The following GALNTL6 variants were observed in gnomAD, a reference collection of about 807,000 sequenced individuals.
The protein encoded by GALNTL6 is polypeptide N-acetylgalactosaminyltransferase like 6, also known as polypeptide N-acetylgalactosaminyltransferase-like 6.
In GALNTL6, 46 loss-of-function variants were observed where a neutral mutation model predicts 73.7. The ratio of observed to expected loss-of-function variants is 0.62; its 90% confidence interval spans 0.49 to 0.80. GALNTL6 has a LOEUF of 0.80. Ranked by LOEUF, GALNTL6 falls within the 30% of genes least tolerant of loss-of-function variation. GALNTL6 has a pLI of 0.00. For synonymous variants in GALNTL6, 259 were observed against 263.7 expected (o/e 0.98, Z 0.17); for missense variants, 604 against 755.0 (o/e 0.80, Z 2.34).
chr4:172,800,504 G>T (rs1034892804), intron 5 of GALNTL6, among the ~76,000 whole-genome samples: 18 of 151,950 alleles, frequency 1.2e-4, no homozygotes, highest in Admixed American at 3.9e-4. Flanking sequence ...ATATTTTTAG[G>T]GTCAAATAGT....
intron 5 of GALNTL6, among the ~76,000 whole-genome samples, chr4:172,396,839 C>T (rs990736561): frequency 2.8e-4 from 42 of 152,136 alleles, no homozygotes; most frequent in African/African-American, 8.9e-4. Flanking sequence ...TTATTGAATG[C>T]AATAGTTAAA....
At position 172,787,695 on chromosome 4, in the gene GALNTL6, AG is replaced by A. The variant is rs374153853; in HGVS notation, c.554-21663del. On this transcript the variant is annotated intron_variant, in intron 5 of 12. Coordinates refer to ENST00000506823, the MANE Select transcript of GALNTL6 (RefSeq NM_001034845.3). ...GGATCACTGAGGAGGAGACCATGGG[AG>A]GGTCTCTGGGGAACAACAGCATTTA... Among the ~76,000 whole-genome samples, 157 of 152,276 alleles carry A rather than the reference AG, an allele frequency of 1.0e-3. 2 individuals are homozygous for A. The East Asian group carries it at 0.03, about 29-fold the overall frequency.
At chr4:172,798,177 G>T (rs1260160232) in intron 5 of GALNTL6, among the ~76,000 whole-genome samples, 2 of 152,132 alleles carry the variant, frequency 1.3e-5, no homozygotes, top group African/African-American at 4.8e-5. Flanking sequence ...ACAAGTAACA[G>T]AAAATGATTA....
chr4:172,103,064 T>C lies in GALNTL6; in HGVS notation c.139-126592T>C, dbSNP rs184750229. 1.6e-4 allele frequency among the ~76,000 whole-genome samples: 24 copies of C among 152,254 alleles called. No individual in the cohort carries two copies. The East Asian group carries it at 3.7e-3, about 23-fold the overall frequency. On this transcript the variant is annotated intron_variant, in intron 2 of 12. Coordinates refer to ENST00000506823, the MANE Select transcript of GALNTL6 (RefSeq NM_001034845.3). The stretch of plus-strand genomic sequence containing the variant: ...GGTTCATGGGCTAGGAAAACAAATA[T>C]ACATAAAAGTATGGTTGGCCAGGGG...
At chr4:173,008,423 G>A (rs1003838087) in intron 10 of GALNTL6, among the ~76,000 whole-genome samples, 2 of 152,234 alleles carry the variant, frequency 1.3e-5, no homozygotes, top group East Asian at 3.8e-4. Flanking sequence ...GCTGCAGTTT[G>A]GCTGTTTAAC....
At chr4:171,949,406 C>T (rs1021545857) in intron 2 of GALNTL6, among the ~76,000 whole-genome samples, 6 of 152,144 alleles carry the variant, frequency 3.9e-5, no homozygotes, top group African/African-American at 1.4e-4. Flanking sequence ...GAAATAAATA[C>T]AAATCCTCTC....
At chr4:172,052,574 A>C (rs1455494718) in intron 2 of GALNTL6, 2 of 1,372,860 alleles carry the variant, frequency 1.5e-6, no homozygotes, top group Admixed American at 4.3e-5. Context: ...GACCAAGACA[A>C]GATAGGGTGG....
chr4:171,992,702 C>G (rs566134475), intron 2 of GALNTL6, among the ~76,000 whole-genome samples: 66 of 152,058 alleles, frequency 4.3e-4, no homozygotes, highest in African/African-American at 1.6e-3. Flanking sequence ...GAGAGTATAT[C>G]TCTTATTCTA....
chr4:172,902,970 A>G (rs978569218), intron 8 of GALNTL6, among the ~76,000 whole-genome samples: 2 of 152,192 alleles, frequency 1.3e-5, no homozygotes, highest in Non-Finnish European at 2.9e-5. Flanking sequence ...ACAATTCCTC[A>G]TCGTCACTAT....
At chr4:172,836,025 C>T (rs1048555339) in intron 7 of GALNTL6, among the ~76,000 whole-genome samples, 9 of 152,132 alleles carry the variant, frequency 5.9e-5, no homozygotes, top group Non-Finnish European at 1.3e-4. Context: ...GCCACTGTTT[C>T]CTCAGGGGTA....
At chr4:172,653,749 A>C (rs1740607888) in intron 5 of GALNTL6, among the ~76,000 whole-genome samples, 1 of 152,236 alleles carries the variant, frequency 6.6e-6, no homozygotes, top group Non-Finnish European at 1.5e-5. Context: ...CATGATCTGG[A>C]ATAGAATCTG....
intron 2 of GALNTL6, among the ~76,000 whole-genome samples, chr4:172,173,391 G>T (rs529450878): frequency 6.6e-6 from 1 of 152,314 alleles, no homozygotes; most frequent in Admixed American, 6.5e-5. Context: ...GAATTTGCAT[G>T]AGGCTGTGGA....
At chr4:172,694,707 A>G (rs878919389) in intron 5 of GALNTL6, among the ~76,000 whole-genome samples, 1 of 152,190 alleles carries the variant, frequency 6.6e-6, no homozygotes, top group African/African-American at 2.4e-5. Context: ...ATTTCCTCAT[A>G]GCTGAGATCT....
chr4:172,062,766 G>A (rs1731249035), intron 2 of GALNTL6, among the ~76,000 whole-genome samples: 1 of 152,214 alleles, frequency 6.6e-6, no homozygotes, highest in South Asian at 2.1e-4. Flanking sequence ...ATGTTGTACA[G>A]AGAGGGGAAA....
At chr4:172,360,316 T>C (rs1023488697) in intron 5 of GALNTL6, among the ~76,000 whole-genome samples, 2 of 11,768 alleles carry the variant, frequency 1.7e-4, no homozygotes, top group African/African-American at 1.9e-4. Flanking sequence ...ATGAGAATGC[T>C]TTATCATCAC....
intron 2 of GALNTL6, among the ~76,000 whole-genome samples, chr4:171,982,111 A>G (rs916706842): frequency 6.6e-6 from 1 of 152,256 alleles, no homozygotes; most frequent in South Asian, 2.1e-4. Flanking sequence ...GTGAAAGTAT[A>G]CATGTTCTCA....
intron 3 of GALNTL6, among the ~76,000 whole-genome samples, chr4:172,234,025 TG>T (rs1453726004): frequency 1.3e-5 from 2 of 152,016 alleles, no homozygotes; most frequent in African/African-American, 2.4e-5. Context: ...GTTCACATAA[TG>T]ATTATACTGA....
chr4:172,427,865 G>A lies in GALNTL6; in HGVS notation c.553+79176G>A, dbSNP rs188797028. Among the ~76,000 whole-genome samples, 119 of 152,190 alleles carry A rather than the reference G, an allele frequency of 7.8e-4. 1 individual carries two copies. In the South Asian group the frequency reaches 0.016, roughly 21 times the overall value. On this transcript the variant is annotated intron_variant, in intron 5 of 12. Coordinates refer to ENST00000506823, the MANE Select transcript of GALNTL6 (RefSeq NM_001034845.3). ...GATAAATATTTTTGAGAAAAGGAAGGACATATTTGCTGGTTTATTGCACAT... is the reference window on the plus strand; with the variant it reads ...GATAAATATTTTTGAGAAAAGGAAGAACATATTTGCTGGTTTATTGCACAT...
chr4:172,492,595 A>G (rs1480661707), intron 5 of GALNTL6, among the ~76,000 whole-genome samples: 3 of 152,200 alleles, frequency 2.0e-5, no homozygotes, highest in Non-Finnish European at 2.9e-5. Context: ...TCGCAGTATA[A>G]TAGTTCAGAG....
Sources: gnomAD v4.1 joint callset for allele counts (sites outside exome capture counted in the v4.1 genomes callset) on GRCh38, gnomAD v4.1.1 for gene constraint, MANE v1.5 for transcripts, NCBI Gene and HGNC (gene_info 2026-07-23, HGNC 2026-07-21) for gene names.